The following ZNF83 variants were observed in gnomAD, a reference collection of about 807,000 sequenced individuals.
ZNF83 encodes the protein zinc finger protein 816B.
For synonymous variants in ZNF83, 209 were observed against 213.0 expected (o/e 0.98, Z 0.17); for missense variants, 552 against 629.9 (o/e 0.88, Z 1.32).
At chr19:52,631,959 A>G (rs539076540) in intron 2 of ZNF83, among the ~76,000 whole-genome samples, 15 of 141,948 alleles carry the variant, frequency 1.1e-4, no homozygotes, top group Non-Finnish European at 1.5e-4. Flanking sequence ...CCTACACATC[A>G]AGCTCGAGGA....
At chr19:52,662,500 G>A (rs868324284) in intron 1 of ZNF83, among the ~76,000 whole-genome samples, 2 of 152,170 alleles carry the variant, frequency 1.3e-5, no homozygotes, top group Non-Finnish European at 2.9e-5. Context: ...TGTGGACAGA[G>A]ACAAGGAGAG....
intron 3 of ZNF83, chr19:52,653,175 A>G: frequency 6.7e-7 from 1 of 1,499,874 alleles, no homozygotes; most frequent in Non-Finnish European, 9.2e-7. Flanking sequence ...GAAGTCTACG[A>G]TGGCCCACAA....
At chr19:52,676,126 G>C (rs1006848405) in intron 1 of ZNF83, among the ~76,000 whole-genome samples, 1 of 152,174 alleles carries the variant, frequency 6.6e-6, no homozygotes, top group Non-Finnish European at 1.5e-5. Context: ...AATTGCAGGC[G>C]CGCGCCGCCA....
At chr19:52,627,739 A>T (rs2060797591) in intron 2 of ZNF83, among the ~76,000 whole-genome samples, 1 of 152,314 alleles carries the variant, frequency 6.6e-6, no homozygotes, top group East Asian at 1.9e-4. Context: ...ACACGAGTTT[A>T]CCTGTGTAAC....
chr19:52,658,764 C>G (rs994829331), intron 2 of ZNF83, among the ~76,000 whole-genome samples: 3 of 152,120 alleles, frequency 2.0e-5, no homozygotes, highest in African/African-American at 7.2e-5. Flanking sequence ...GTTTACCCTA[C>G]CTCCATTAAC....
At chr19:52,671,603 T>C (rs188200844) in intron 1 of ZNF83, among the ~76,000 whole-genome samples, 604 of 152,214 alleles carry the variant, frequency 4.0e-3, no homozygotes, top group African/African-American at 5.5e-3. Flanking sequence ...CCACCAAGCC[T>C]GGCTAATTTG....
At chr19:52,632,511 A>G (rs889573111) in intron 2 of ZNF83, among the ~76,000 whole-genome samples, 1 of 152,000 alleles carries the variant, frequency 6.6e-6, no homozygotes, top group African/African-American at 2.4e-5. Context: ...TCATGCTCCT[A>G]TTCACCCTTG....
At chr19:52,652,458 C>A in intron 3 of ZNF83, 1 of 404,324 alleles carries the variant, frequency 2.5e-6, no homozygotes, top group Non-Finnish European at 4.9e-6. Flanking sequence ...AAATGACTGC[C>A]ACAATTATCA....
chr19:52,641,507 A>T (rs1235551075), upstream of ZNF83, among the ~76,000 whole-genome samples: 1 of 152,160 alleles, frequency 6.6e-6, no homozygotes, highest in Non-Finnish European at 1.5e-5. Context: ...GCATTTCCCT[A>T]TGTTGAATAA....
chr19:52,674,231 A>G lies in ZNF83; in HGVS notation c.-282-13388T>C, dbSNP rs533507443. 2.6e-5 allele frequency: 4 copies of G among 152,262 alleles called. No individual in the cohort carries two copies. The East Asian group carries it at 5.8e-4, about 22-fold the overall frequency. The allele number at this position is 152,262 out of a possible 1,614,324, so 9.4% of individuals were successfully genotyped here. On this transcript the variant is annotated intron_variant, in intron 1 of 5. Transcript: ENST00000594682. ...TGGCCCTGATGTGTGAAGACTTAGG[A>G]CCATCCTGTCATCATAGAAACCCTA...
chr19:52,640,396 T>C (rs568461793), upstream of ZNF83, among the ~76,000 whole-genome samples: 2 of 152,308 alleles, frequency 1.3e-5, no homozygotes, highest in Admixed American at 1.3e-4. Context: ...AGTGCATAGG[T>C]TGCAGCAACT....
chr19:52,623,140 A>G (rs1384155360), intron 2 of ZNF83, among the ~76,000 whole-genome samples: 3 of 152,186 alleles, frequency 2.0e-5, no homozygotes, highest in Non-Finnish European at 4.4e-5. Flanking sequence ...CTCACCCAGA[A>G]GCCACTCCTA....
At chr19:52,672,118 C>G (rs117696875) in intron 1 of ZNF83, among the ~76,000 whole-genome samples, 4 of 152,236 alleles carry the variant, frequency 2.6e-5, no homozygotes, top group Non-Finnish European at 5.9e-5. Context: ...ACTGTAATCT[C>G]AGCTACTCAG....
At position 52,614,769 on chromosome 19, in the gene ZNF83, T is replaced by C. The variant is rs966260998; in HGVS notation, c.-205A>G. The C allele has an allele frequency of 1.5e-5, 19 of 1,288,218 alleles. No individual in the cohort carries two copies. The African/African-American group carries it at 2.6e-4, about 18-fold the overall frequency. 79.8% of individuals were successfully genotyped at this position (1,288,218 alleles called of 1,614,324 possible). ...TATTACTCTCCTTTTTTGGTGGTAA[T>C]TCCTTGATCTCACATTTAGAAAAAA... On this transcript the variant is annotated 5_prime_UTR_variant, in exon 3 of 3. Coordinates refer to ENST00000301096, the Ensembl canonical transcript of ZNF83.
At chr19:52,662,377 G>A (rs1371498934) in intron 1 of ZNF83, among the ~76,000 whole-genome samples, 1 of 152,108 alleles carries the variant, frequency 6.6e-6, no homozygotes, top group Non-Finnish European at 1.5e-5. Context: ...GCAGAGAGCT[G>A]AGGAGCCAAC....
At chr19:52,674,002 T>C (rs535964675) in intron 1 of ZNF83, among the ~76,000 whole-genome samples, 11 of 117,720 alleles carry the variant, frequency 9.3e-5, no homozygotes, top group Non-Finnish European at 1.5e-4. Flanking sequence ...GGTAACAGAG[T>C]GAGACTCCAT....
At chr19:52,681,767 G>A (rs894938216) in intron 1 of ZNF83, among the ~76,000 whole-genome samples, 2 of 152,202 alleles carry the variant, frequency 1.3e-5, no homozygotes, top group African/African-American at 4.8e-5. Flanking sequence ...CATGAAATAG[G>A]TTCAAGGGTA....
exon 3 of ZNF83, chr19:52,613,929 C>CTT (rs754716003): frequency 1.5e-5 from 24 of 1,613,340 alleles, no homozygotes; most frequent in Non-Finnish European, 1.8e-5. Context: ...GATGGAAGAC[C>CTT]TTTCCACATT....
chr19:52,672,858 G>A (rs1305842428), intron 1 of ZNF83, among the ~76,000 whole-genome samples: 2 of 152,090 alleles, frequency 1.3e-5, no homozygotes, highest in Admixed American at 6.6e-5. Context: ...TTACAGACAT[G>A]AGCCACCGTG....
Sources: gnomAD v4.1 joint callset for allele counts (sites outside exome capture counted in the v4.1 genomes callset) on GRCh38, gnomAD v4.1.1 for gene constraint, MANE v1.5 for transcripts, NCBI Gene and HGNC (gene_info 2026-07-23, HGNC 2026-07-21) for gene names.